Variants in GPC5 observed in about 807,000 individuals in gnomAD.
The protein encoded by GPC5 is glypican-5.
GPC5 carries 47 observed loss-of-function variants against 53.9 expected under a neutral mutation model. The observed-to-expected ratio is 0.87, with a 90% confidence interval of 0.69 to 1.11. The LOEUF (loss-of-function observed/expected upper bound fraction) is 1.11, where lower values mean the gene tolerates loss of function less well. Ranked by LOEUF, GPC5 falls within the 50% of genes most tolerant of loss-of-function variation. The pLI, the probability that GPC5 is intolerant of heterozygous loss-of-function variation, is 0.00. For missense variants in GPC5, 748 were observed against 713.1 expected (o/e 1.05, Z -0.56); for synonymous variants, 286 against 263.3 (o/e 1.09, Z -0.84).
At chr13:92,410,195 A>G (rs968876749) in intron 7 of GPC5, among the ~76,000 whole-genome samples, 1 of 152,178 alleles carries the variant, frequency 6.6e-6, no homozygotes, top group Non-Finnish European at 1.5e-5. Context: ...GGGTTTCTGT[A>G]TTGTGTAGTT....
intron 2 of GPC5, among the ~76,000 whole-genome samples, chr13:91,473,121 TA>T (rs2139186511): frequency 6.6e-6 from 1 of 152,218 alleles, no homozygotes; most frequent in African/African-American, 2.4e-5. Flanking sequence ...GAGGAACTGT[TA>T]AACACTTATA....
chr13:92,743,996 G>A (rs146223412), intron 7 of GPC5, among the ~76,000 whole-genome samples: 9 of 152,180 alleles, frequency 5.9e-5, no homozygotes, highest in Non-Finnish European at 1.2e-4. Flanking sequence ...CCTGGCCTCA[G>A]TGCAGTGAGT....
At chr13:92,160,739 C>T (rs2041981593) in intron 7 of GPC5, among the ~76,000 whole-genome samples, 1 of 152,068 alleles carries the variant, frequency 6.6e-6, no homozygotes, top group African/African-American at 2.4e-5. Flanking sequence ...CTCTACAGAA[C>T]AGGGGAAAAG....
chr13:92,112,884 T>C (rs2041569528), intron 6 of GPC5, among the ~76,000 whole-genome samples: 1 of 152,142 alleles, frequency 6.6e-6, no homozygotes, highest in Non-Finnish European at 1.5e-5. Context: ...GAAGGGTTTT[T>C]ACATGAAAGC....
intron 7 of GPC5, among the ~76,000 whole-genome samples, chr13:92,439,191 C>T (rs1381246470): frequency 6.6e-6 from 1 of 152,092 alleles, no homozygotes; most frequent in Non-Finnish European, 1.5e-5. Flanking sequence ...ATAAAGGATA[C>T]TGAGAAGAAA....
intron 7 of GPC5, among the ~76,000 whole-genome samples, chr13:92,527,304 C>T (rs908502305): frequency 6.7e-6 from 1 of 150,364 alleles, no homozygotes; most frequent in Non-Finnish European, 1.5e-5. Flanking sequence ...GCAAAGAGAG[C>T]CCAAAGTAGA....
intron 2 of GPC5, among the ~76,000 whole-genome samples, chr13:91,571,110 A>T (rs1159732568): frequency 6.6e-6 from 1 of 152,150 alleles, no homozygotes; most frequent in Non-Finnish European, 1.5e-5. Context: ...CTCCTCACAG[A>T]TAAATATTTT....
In GPC5 at chr13:91,882,891, G is replaced by A. The variant is rs57398140; in HGVS notation, c.1281-25046G>A. ...GTGGTACATACAAATAAATAAATCA[G>A]GAAAGGAAGCTAGAGATTGGTGGCA... On this transcript the variant is annotated intron_variant, in intron 5 of 7. Transcript: ENST00000377067. Among the ~76,000 whole-genome samples the A allele has an allele frequency of 6.7e-3, 1,015 of 152,140 alleles. 11 individuals are homozygous for A. The highest frequency in any genetic ancestry group is 0.023 in the African/African-American group (946 of 41,516).
At chr13:92,022,545 G>A (rs1322676958) in intron 6 of GPC5, among the ~76,000 whole-genome samples, 1 of 151,826 alleles carries the variant, frequency 6.6e-6, no homozygotes, top group Non-Finnish European at 1.5e-5. Context: ...CTTAATAATT[G>A]TGTGTTTAAT....
In GPC5 at chr13:91,478,485, G is replaced by A. The variant is rs1412466831; in HGVS notation, c.325+29563G>A. On this transcript the variant is annotated intron_variant, in intron 2 of 7. Transcript: ENST00000377067. ...TATGCTATTTATTTTGTAGTTTGTT[G>A]TAGTTTTAGCATCCAAAATTTATTA... 4.0e-5 allele frequency among the ~76,000 whole-genome samples: 6 copies of A among 151,564 alleles called. No homozygotes were observed. In the East Asian group the frequency reaches 1.2e-3, roughly 29 times the overall value.
intron 7 of GPC5, among the ~76,000 whole-genome samples, chr13:92,611,975 G>T (rs1322165821): frequency 2.6e-5 from 4 of 152,030 alleles, no homozygotes; most frequent in Non-Finnish European, 5.9e-5. Context: ...GTACCAGGGA[G>T]AATATTTTTA....
At chr13:91,731,844 C>G (rs2036706140) in intron 4 of GPC5, among the ~76,000 whole-genome samples, 1 of 152,174 alleles carries the variant, frequency 6.6e-6, no homozygotes, top group South Asian at 2.1e-4. Flanking sequence ...ACCCATGTCC[C>G]TGAAAAGGAC....
At chr13:92,503,676 T>G (rs1880266620) in intron 7 of GPC5, among the ~76,000 whole-genome samples, 1 of 151,856 alleles carries the variant, frequency 6.6e-6, no homozygotes, top group Admixed American at 6.6e-5. Flanking sequence ...AATATAAAAA[T>G]TATAGATAGA....
chr13:92,009,662 C>A (rs553624492), intron 6 of GPC5, among the ~76,000 whole-genome samples: 2 of 152,264 alleles, frequency 1.3e-5, no homozygotes, highest in African/African-American at 4.8e-5. Context: ...TCTAATTCTT[C>A]CCTGCAAATT....
At chr13:92,290,402 G>T (rs141233023) in intron 7 of GPC5, among the ~76,000 whole-genome samples, 1 of 152,222 alleles carries the variant, frequency 6.6e-6, no homozygotes, top group Admixed American at 6.5e-5. Flanking sequence ...AAGTTCTTTA[G>T]TGGTGATTTT....
chr13:92,674,091 C>T (rs143594905), intron 7 of GPC5, among the ~76,000 whole-genome samples: 201 of 152,282 alleles, frequency 1.3e-3, no homozygotes, highest in African/African-American at 4.3e-3. Flanking sequence ...CAAATCTATG[C>T]CTTCCATTTG....
intron 2 of GPC5, among the ~76,000 whole-genome samples, chr13:91,618,419 T>C (rs1052955089): frequency 6.6e-6 from 1 of 152,096 alleles, no homozygotes; most frequent in Non-Finnish European, 1.5e-5. Context: ...CCATCATCAA[T>C]ATTGGTGTTA....
At chr13:92,665,448 T>A (rs1886537450) in intron 7 of GPC5, among the ~76,000 whole-genome samples, 1 of 152,188 alleles carries the variant, frequency 6.6e-6, no homozygotes, top group Non-Finnish European at 1.5e-5. Context: ...CCCAGTGCTC[T>A]TTCTTTGATC....
chr13:92,065,059 A>G (rs926156453), intron 6 of GPC5, among the ~76,000 whole-genome samples: 1 of 152,184 alleles, frequency 6.6e-6, no homozygotes, highest in Non-Finnish European at 1.5e-5. Flanking sequence ...CTCTCAGATC[A>G]GTGTTCTTAA....
Sources: allele counts gnomAD v4.1 joint callset (sites outside exome capture counted in the v4.1 genomes callset), GRCh38; gene constraint gnomAD v4.1.1; transcripts MANE v1.5; gene names NCBI Gene and HGNC (gene_info 2026-07-23, HGNC 2026-07-21).